Variants in WWOX observed in about 807,000 individuals in gnomAD.
WWOX encodes the protein WW domain-containing oxidoreductase.
A neutral mutation model predicts 46.2 loss-of-function variants in WWOX; 69 were observed. The ratio of observed to expected loss-of-function variants is 1.49; its 90% CI spans 1.23 to 1.82. WWOX has a LOEUF of 1.82. WWOX is among the 40% of genes most tolerant of loss of function. The pLI is 0.00. For synonymous variants in WWOX, 359 were observed against 202.6 expected, an observed-to-expected ratio of 1.77 and a Z score of -6.56; for missense variants, 919 against 542.6, an observed-to-expected ratio of 1.69 and a Z score of -6.89.
At chr16:78,898,201 T>C (rs1355821868) in intron 8 of WWOX, 2 of 152,162 alleles carry the variant, frequency 1.3e-5, no homozygotes, top group African/African-American at 4.8e-5. Context: ...TTTCTTGTTC[T>C]AAGAACCTTT....
At chr16:78,885,024 C>G (rs915728795) in intron 8 of WWOX, among the ~76,000 whole-genome samples, 1 of 152,124 alleles carries the variant, frequency 6.6e-6, no homozygotes, top group Non-Finnish European at 1.5e-5. Flanking sequence ...GTTGTTTCTT[C>G]CACTGTGCAG....
intron 8 of WWOX, among the ~76,000 whole-genome samples, chr16:78,966,926 C>T (rs1456432782): frequency 1.3e-5 from 2 of 152,128 alleles, no homozygotes; most frequent in Non-Finnish European, 2.9e-5. Flanking sequence ...AAAGCGTCTG[C>T]GTTGTGTCTG....
intron 8 of WWOX, among the ~76,000 whole-genome samples, chr16:79,209,974 G>A (rs2051662974): frequency 6.6e-6 from 1 of 152,212 alleles, no homozygotes; most frequent in Non-Finnish European, 1.5e-5. Context: ...CTGGCTATTT[G>A]GAGTGGGCAT....
intron 8 of WWOX, among the ~76,000 whole-genome samples, chr16:79,048,051 T>C (rs767692453): frequency 2.0e-5 from 3 of 152,124 alleles, no homozygotes; most frequent in Non-Finnish European, 4.4e-5. Flanking sequence ...CTCCCTAAGA[T>C]GCCAGGGACT....
intron 8 of WWOX, among the ~76,000 whole-genome samples, chr16:79,169,362 C>A (rs1290232348): frequency 6.6e-6 from 1 of 152,218 alleles, no homozygotes; most frequent in African/African-American, 2.4e-5. Flanking sequence ...ACCACAACAA[C>A]TGCGTGGCTG....
chr16:78,441,749 A>T (rs1475437437), intron 8 of WWOX, among the ~76,000 whole-genome samples: 1 of 152,124 alleles, frequency 6.6e-6, no homozygotes, highest in Non-Finnish European at 1.5e-5. Flanking sequence ...AGAATTAAAG[A>T]CGTTATGAAC....
At chr16:78,298,848 G>A (rs772823830) in intron 5 of WWOX, among the ~76,000 whole-genome samples, 14 of 151,960 alleles carry the variant, frequency 9.2e-5, no homozygotes, top group African/African-American at 1.4e-4. Context: ...GCAAGACCAT[G>A]CATTTACATT....
intron 8 of WWOX, among the ~76,000 whole-genome samples, chr16:78,549,743 C>G (rs2044131635): frequency 6.6e-6 from 1 of 152,134 alleles, no homozygotes; most frequent in African/African-American, 2.4e-5. Flanking sequence ...CGGCTTAATC[C>G]TACAGTTTAG....
intron 5 of WWOX, among the ~76,000 whole-genome samples, chr16:78,316,503 T>C (rs1364982764): frequency 1.3e-5 from 2 of 151,992 alleles, no homozygotes; most frequent in Non-Finnish European, 2.9e-5. Flanking sequence ...CCACTATGCC[T>C]GGGTAATTTT....
intron 8 of WWOX, among the ~76,000 whole-genome samples, chr16:78,840,936 G>A (rs1037820540): frequency 6.6e-6 from 1 of 152,114 alleles, no homozygotes; most frequent in Admixed American, 6.5e-5. Context: ...ACTATTGCCA[G>A]TGGAGGGGGC....
intron 8 of WWOX, among the ~76,000 whole-genome samples, chr16:78,506,122 A>AG (rs56842365): frequency 0.026 from 3,970 of 152,296 alleles, 130 homozygotes; most frequent in African/African-American, 0.075. Flanking sequence ...AGGGGAGGAC[A>AG]GGCTTCGAGT....
intron 5 of WWOX, among the ~76,000 whole-genome samples, chr16:78,294,118 T>C (rs941027392): frequency 6.6e-5 from 10 of 151,916 alleles, no homozygotes; most frequent in African/African-American, 2.2e-4. Flanking sequence ...CCTCTGCTGC[T>C]GGTCCCTGGG....
intron 6 of WWOX, among the ~76,000 whole-genome samples, chr16:78,402,284 C>A (rs758312891): frequency 2.0e-5 from 3 of 152,078 alleles, no homozygotes; most frequent in Non-Finnish European, 4.4e-5. Context: ...TCTAGAGGTT[C>A]ATTTATGTTA....
chr16:79,199,321 C>G (rs528204693), intron 8 of WWOX, among the ~76,000 whole-genome samples: 5 of 152,280 alleles, frequency 3.3e-5, no homozygotes, highest in Admixed American at 3.3e-4. Context: ...CCTTGGCCTC[C>G]CAAAGTGTTG....
intron 8 of WWOX, among the ~76,000 whole-genome samples, chr16:78,809,182 G>A (rs1009510748): frequency 4.0e-5 from 6 of 151,798 alleles, no homozygotes; most frequent in Non-Finnish European, 7.4e-5. Context: ...TTGTGCAAAT[G>A]TTTCTCCTGG....
At chr16:78,446,779 G>T (rs1362014431) in intron 8 of WWOX, among the ~76,000 whole-genome samples, 1 of 146,886 alleles carries the variant, frequency 6.8e-6, no homozygotes, top group Non-Finnish European at 1.5e-5. Flanking sequence ...TCCAGTCTCA[G>T]CCTCCTCAGT....
intron 8 of WWOX, among the ~76,000 whole-genome samples, chr16:78,972,131 G>T (rs966216633): frequency 6.6e-6 from 1 of 152,202 alleles, no homozygotes; most frequent in Non-Finnish European, 1.5e-5. Context: ...TGCATTGGAG[G>T]AGGAAGCTTG....
At chr16:78,153,949 C>T (rs2034507801) in intron 4 of WWOX, among the ~76,000 whole-genome samples, 1 of 152,062 alleles carries the variant, frequency 6.6e-6, no homozygotes, top group African/African-American at 2.4e-5. Flanking sequence ...GACAGGGTTC[C>T]CACCTTCATG....
intron 8 of WWOX, among the ~76,000 whole-genome samples, chr16:78,873,749 A>T (rs1343137964): frequency 2.6e-5 from 4 of 152,144 alleles, no homozygotes; most frequent in African/African-American, 9.7e-5. Flanking sequence ...TTATTGTACC[A>T]CTGTACTCCA....
Sources: allele counts gnomAD v4.1 joint callset (sites outside exome capture counted in the v4.1 genomes callset), GRCh38; gene constraint gnomAD v4.1.1; transcripts MANE v1.5; gene names NCBI Gene and HGNC (gene_info 2026-07-23, HGNC 2026-07-21).